The following ZNF433 variants were observed in gnomAD, a reference collection of about 807,000 sequenced individuals.
ZNF433 encodes zinc finger protein 433.
Under a neutral mutation model 10.6 loss-of-function variants are expected in ZNF433, and 12 were observed. The observed-to-expected ratio is 1.13, with a 90% CI of 0.72 to 1.83. The LOEUF (loss-of-function observed/expected upper bound fraction) is 1.83, where lower values mean the gene tolerates loss of function less well. ZNF433 is among the 40% of genes most tolerant of loss of function. The pLI is 0.00. For synonymous variants in ZNF433, 272 were observed against 271.3 expected, an observed-to-expected ratio of 1.00 and a Z score of -0.02; for missense variants, 737 against 798.0, an observed-to-expected ratio of 0.92 and a Z score of 0.92.
In ZNF433 at chr19:12,016,089, C is replaced by A; in HGVS notation, c.769G>T (p.Gly257Trp). ...GEKPYKCNEC[G>W]KAFHSSTCLH... ...CATGTGGAACTATGGAATGCTTTCC[C>A]ACATTCATTACATTTATAAGGCTTC... is the stretch of plus-strand genomic sequence containing the variant. Residue 257 changes from glycine (G) to tryptophan (W), a missense_variant, in exon 4 of 4, where the codon GGG (glycine) becomes TGG (tryptophan). Gly to Trp is a radical substitution (Grantham distance 184, BLOSUM62 -2). Transcript: ENST00000550507. 6.2e-7 allele frequency: 1 copy of A among 1,614,114 alleles called. No homozygotes were observed. Among genetic ancestry groups the A allele is most frequent in the Non-Finnish European group, 8.5e-7 (1 of 1,180,016 alleles).
chr19:12,035,278 G>C (rs1322677025), intron 1 of ZNF433, among the ~76,000 whole-genome samples: 1 of 152,180 alleles, frequency 6.6e-6, no homozygotes, highest in Admixed American at 6.5e-5. Flanking sequence ...ACGCGGGGCA[G>C]CGGGCGCGGA....
In ZNF433 at chr19:12,014,815, C is replaced by G. The variant is rs774797058; in HGVS notation, c.*30G>C. 2 of 1,488,016 alleles carry G rather than the reference C, an allele frequency of 1.3e-6. No individual in the cohort carries two copies. The highest frequency in any genetic ancestry group is 2.4e-5 in the East Asian group (1 of 41,454). The allele number at this position is 1,488,016 out of a possible 1,614,324, so 92.2% of individuals were successfully genotyped here. On this transcript the variant is annotated 3_prime_UTR_variant, in exon 4 of 4. Transcript: ENST00000550507. ...TCTTGAACTCCTGGGCTTAAGCAGT[C>G]CCCCCACCTCAGCCTCCTAAAGCCT...
intron 1 of ZNF433, among the ~76,000 whole-genome samples, chr19:12,032,114 A>G (rs1015167996): frequency 8.6e-5 from 13 of 150,378 alleles, no homozygotes; most frequent in Admixed American, 2.6e-4. Flanking sequence ...TTTTTTTTGT[A>G]TTTTTAGTAG....
intron 1 of ZNF433, among the ~76,000 whole-genome samples, chr19:12,029,921 G>A (rs1449169127): frequency 6.6e-6 from 1 of 151,222 alleles, no homozygotes; most frequent in African/African-American, 2.4e-5. Flanking sequence ...CTCTACTAAA[G>A]AATACAAAAA....
rs1275882204 is a variant in ZNF433, at chr19:12,014,927, T to A, written c.1931A>T (p.Lys644Ile). The change falls in exon 4 of 4, where the codon AAA (lysine) becomes ATA (isoleucine). Residue 644 changes from lysine (K) to isoleucine (I), a missense_variant. Transcript: ENST00000550507. ...AAAGACTTTACCACATTGGTTACAT[T>A]TATAGGGTTTCTCTCCAGTGTGAGT... Reference protein sequence around the residue: ...GRTHTGEKPYKCNQCGKVFRC... With the variant: ...GRTHTGEKPYICNQCGKVFRC... 6.8e-6 allele frequency: 11 copies of A among 1,614,024 alleles called. No individual in the cohort carries two copies. Among genetic ancestry groups the A allele is most frequent in the Non-Finnish European group, 9.3e-6 (11 of 1,179,966 alleles).
rs577558659 is a variant in ZNF433 at position 12,031,320 on chromosome 19, A to C, written c.3+4217T>G. Reference sequence around the variant, plus strand: ...AAAAAAAAAAAAAAAACAAAACAAAAAAAAAAACAAAGCAGCTGACCAACA... The same window carrying C: ...AAAAAAAAAAAAAAAACAAAACAAACAAAAAAACAAAGCAGCTGACCAACA... On this transcript the variant is annotated intron_variant, in intron 1 of 3. Coordinates refer to ENST00000550507, the MANE Select transcript of ZNF433 (RefSeq NM_001308348.2). Among the ~76,000 whole-genome samples, 33 of 148,106 alleles carry C rather than the reference A, an allele frequency of 2.2e-4. 1 individual carries two copies. Among genetic ancestry groups the C allele is most frequent in the African/African-American group, 6.8e-4 (26 of 38,324 alleles).
At position 12,016,477 on chromosome 19, in the gene ZNF433, C is replaced by CT. The variant is rs781331414; in HGVS notation, c.380dup (p.Ala128GlyfsTer3). The CT allele has an allele frequency of 1.2e-6, 2 of 1,614,064 alleles. No homozygotes were observed. The highest frequency in any genetic ancestry group is 2.2e-5 in the East Asian group (1 of 44,872). On this transcript the variant is annotated frameshift_variant, in exon 4 of 4. Transcript: ENST00000550507. LOFTEE classifies it low-confidence loss of function (END_TRUNC). Reference sequence around the variant, plus strand: ...GTCCATATTCTTGATACTCATATGCCTTGTGTCCAGTGTCATCTCTGATGT... The same window carrying CT: ...GTCCATATTCTTGATACTCATATGCCTTTGTGTCCAGTGTCATCTCTGATGT...
rs1223910740 is a variant in ZNF433 at position 12,015,784 on chromosome 19, A to C, written c.1074T>G (p.Thr358=). ...TSFQNHLGMH[T]GEISHKCKIC... Reference sequence around the variant, plus strand: ...TCTTACATTTATGAGATATCTCTCCAGTGTGCATTCCCAAGTGGTTTTGAA... The same window carrying C: ...TCTTACATTTATGAGATATCTCTCCCGTGTGCATTCCCAAGTGGTTTTGAA... Residue 358 remains threonine (T), a synonymous_variant, in exon 4 of 4, where the codon ACT becomes ACG. Transcript: ENST00000550507. 1.2e-6 allele frequency: 2 copies of C among 1,614,050 alleles called. No individual in the cohort carries two copies. The highest frequency in any genetic ancestry group is 8.5e-7 in the Non-Finnish European group (1 of 1,180,040).
chr19:12,029,032 G>T (rs1974873331), intron 1 of ZNF433, among the ~76,000 whole-genome samples: 1 of 152,070 alleles, frequency 6.6e-6, no homozygotes. Context: ...CCCATGGAAA[G>T]ATATCAATGG....
chr19:12,019,258 T>G (rs779734766), intron 1 of ZNF433, among the ~76,000 whole-genome samples: 3 of 151,866 alleles, frequency 2.0e-5, no homozygotes, highest in Non-Finnish European at 2.9e-5. Context: ...CCGTCTCTAC[T>G]AAAAATACAA....
intron 3 of ZNF433, 99 bp downstream of exon 3, chr19:12,017,777 T>C: frequency 3.7e-6 from 3 of 810,730 alleles, no homozygotes; most frequent in East Asian, 5.4e-5. Flanking sequence ...AGATTGAAAT[T>C]GTGCTTATTT....
intron 1 of ZNF433, among the ~76,000 whole-genome samples, chr19:12,022,734 A>C (rs1439100916): frequency 6.6e-6 from 1 of 152,240 alleles, no homozygotes; most frequent in Non-Finnish European, 1.5e-5. Flanking sequence ...GGAAAGTAAC[A>C]GAAGAGATGA....
At chr19:12,018,128 G>A in intron 2 of ZNF433, 38 bp downstream of exon 2, 2 of 1,524,314 alleles carry the variant, frequency 1.3e-6, no homozygotes, top group Non-Finnish European at 1.8e-6. Context: ...AAAACTTGTT[G>A]TCTCATTTAC....
chr19:12,016,624 C>G lies in ZNF433; in HGVS notation c.234G>C (p.Gln78His). Reference protein sequence around the residue: ...ERLFESKEGHQHGEILTQVPD... With the variant: ...ERLFESKEGHHHGEILTQVPD... ...GAACCTGGGTCAAAATTTCTCCATGCTGATGACCTTCTTTACTTTCAAAGA... is the reference window on the plus strand; with the variant it reads ...GAACCTGGGTCAAAATTTCTCCATGGTGATGACCTTCTTTACTTTCAAAGA... Residue 78 changes from glutamine (Q) to histidine (H), a missense_variant, in exon 4 of 4, where the codon CAG becomes CAC. Physicochemically the swap from Gln to His is conservative, Grantham distance 24. Coordinates refer to ENST00000550507, the MANE Select transcript of ZNF433 (RefSeq NM_001308348.2). The G allele has an allele frequency of 3.1e-6, 5 of 1,614,162 alleles. No homozygotes were observed. The highest frequency in any genetic ancestry group is 4.2e-6 in the Non-Finnish European group (5 of 1,180,020).
Position 12,016,425 on chromosome 19 carries a change from T to G in ZNF433, c.433A>C (p.Lys145Gln). The G allele has an allele frequency of 6.2e-7, 1 of 1,614,132 alleles. No homozygotes were observed. The highest frequency in any genetic ancestry group is 8.5e-7 in the Non-Finnish European group (1 of 1,180,032). ...GQKPYKCKYC[K>Q]KPFNCLSSVQ... ...GAGGAGAGACAGTTGAAAGGTTTTT[T>G]ACAGTATTTACATTTATATGGTTTC... Residue 145 changes from lysine (K) to glutamine (Q), a missense_variant, in exon 4 of 4, where the codon AAA (lysine) becomes CAA (glutamine). Coordinates refer to ENST00000550507, the MANE Select transcript of ZNF433 (RefSeq NM_001308348.2).
At chr19:12,018,700 G>A (rs986745692) in intron 1 of ZNF433, 3 of 154,466 alleles carry the variant, frequency 1.9e-5, no homozygotes, top group Non-Finnish European at 4.3e-5. Context: ...AACCTTTGAT[G>A]TTATCTAGAA....
At chr19:12,027,130 T>A in intron 1 of ZNF433, 1 of 450,350 alleles carries the variant, frequency 2.2e-6, no homozygotes, top group South Asian at 1.6e-5. Flanking sequence ...TGCCAGGAAC[T>A]GGAGTGCTTG....
intron 1 of ZNF433, among the ~76,000 whole-genome samples, chr19:12,033,215 T>G (rs142373530): frequency 0.011 from 1,605 of 152,212 alleles, 19 homozygotes; most frequent in Non-Finnish European, 0.012. Flanking sequence ...GGCCTCAGCC[T>G]CTGGAGTAGC....
At chr19:12,031,120 AC>A (rs768022060) in intron 1 of ZNF433, among the ~76,000 whole-genome samples, 10 of 151,900 alleles carry the variant, frequency 6.6e-5, no homozygotes, top group Admixed American at 5.9e-4. Flanking sequence ...ACACGGTGAA[AC>A]CCCGTCTCTA....
Sources: gnomAD v4.1 joint callset for allele counts (sites outside exome capture counted in the v4.1 genomes callset) on GRCh38, gnomAD v4.1.1 for gene constraint, MANE v1.5 for transcripts, NCBI Gene and HGNC (gene_info 2026-07-23, HGNC 2026-07-21) for gene names.